The following CCDC90B variants were observed in gnomAD, a reference collection of about 807,000 sequenced individuals.
The protein encoded by CCDC90B is coiled-coil domain-containing protein 90B, mitochondrial.
CCDC90B carries 24 observed loss-of-function variants against 37.0 expected under a neutral mutation model. The ratio of observed to expected loss-of-function variants is 0.65; its 90% confidence interval spans 0.47 to 0.91. CCDC90B has a LOEUF of 0.91. CCDC90B is among the 40% of genes least tolerant of loss of function. CCDC90B has a pLI of 0.00. For synonymous variants in CCDC90B, 113 were observed against 101.1 expected, an observed-to-expected ratio of 1.12 and a Z score of -0.71; for missense variants, 319 against 299.0, an observed-to-expected ratio of 1.07 and a Z score of -0.49.
At chr11:83,281,331 G>A (rs1333808561) in intron 1 of CCDC90B, among the ~76,000 whole-genome samples, 1 of 152,190 alleles carries the variant, frequency 6.6e-6, no homozygotes, top group Non-Finnish European at 1.5e-5. Flanking sequence ...TAGAACTTGT[G>A]CCAGGCATAG....
intron 8 of CCDC90B, among the ~76,000 whole-genome samples, chr11:83,263,377 G>T (rs908675429): frequency 6.6e-6 from 1 of 152,178 alleles, no homozygotes; most frequent in Admixed American, 6.5e-5. Flanking sequence ...CATGGCTGTT[G>T]TTGCAGTAAC....
Position 83,263,516 on chromosome 11 carries a change from CTG to C in CCDC90B, c.710-1552_710-1551del, listed in dbSNP as rs1436625106. Among the ~76,000 whole-genome samples, 4 of 152,228 alleles carry C rather than the reference CTG, an allele frequency of 2.6e-5. No homozygotes were observed. The East Asian group carries it at 7.7e-4, about 29-fold the overall frequency. ...ATATGCCTGGTACATTTTAAGCACT[CTG>C]TAAACATTAGCTTTCATTATTTATC... On this transcript the variant is annotated intron_variant, in intron 8 of 8. Transcript: ENST00000529689.
At chr11:83,272,264 T>TA (rs1864726716) in intron 7 of CCDC90B, among the ~76,000 whole-genome samples, 1 of 152,058 alleles carries the variant, frequency 6.6e-6, no homozygotes, top group Admixed American at 6.6e-5. Flanking sequence ...AATTTTTTTT[T>TA]AAAAACACTA....
At chr11:83,267,429 A>G (rs1319725401) in intron 7 of CCDC90B, 2 of 152,222 alleles carry the variant, frequency 1.3e-5, no homozygotes, top group African/African-American at 4.8e-5. Flanking sequence ...AAATGACCTG[A>G]TGGAGCTGAA....
intron 6 of CCDC90B, 36 bp from the exon 7 acceptor site, chr11:83,273,736 A>G: frequency 1.2e-6 from 2 of 1,600,148 alleles, no homozygotes; most frequent in Non-Finnish European, 1.7e-6. Flanking sequence ...TTAAAAAAAA[A>G]GTCTAAAAAT....
chr11:83,269,839 G>A (rs918672818), intron 7 of CCDC90B, among the ~76,000 whole-genome samples: 1 of 152,100 alleles, frequency 6.6e-6, no homozygotes, highest in Non-Finnish European at 1.5e-5. Flanking sequence ...CCAAAGCCTG[G>A]CAGAGACACA....
In CCDC90B at chr11:83,261,485, A is replaced by C. The variant is rs1863922802; in HGVS notation, c.*426T>G. ...TTGTAATAATCTTTCATTTTATAGA[A>C]AAATGTAATTATGCAATGGTTATCA... is the stretch of plus-strand genomic sequence containing the variant. On this transcript the variant is annotated 3_prime_UTR_variant, in exon 9 of 9. Coordinates refer to ENST00000529689, the MANE Select transcript of CCDC90B (RefSeq NM_021825.5). 6.5e-6 allele frequency: 1 copy of C among 152,922 alleles called. No individual in the cohort carries two copies. Among genetic ancestry groups the C allele is most frequent in the Non-Finnish European group, 1.5e-5 (1 of 68,510 alleles). 9.5% of individuals were successfully genotyped at this position (152,922 alleles called of 1,614,324 possible).
chr11:83,271,305 A>G (rs1488530786), intron 7 of CCDC90B, among the ~76,000 whole-genome samples: 5 of 152,254 alleles, frequency 3.3e-5, no homozygotes, highest in Non-Finnish European at 5.9e-5. Flanking sequence ...GCTTCTGTAC[A>G]GCAAAGAAAC....
chr11:83,273,712 G>A lies in CCDC90B; in HGVS notation c.541-12C>T. On this transcript the variant is annotated splice_polypyrimidine_tract_variant and intron_variant, in intron 6 of 8. Transcript: ENST00000529689. Reference sequence around the variant, plus strand: ...TCTTGATCTGTAAACTATAGGATATGAAGCAGCAGGAAGTTAAAAAAAAAG... The same window carrying A: ...TCTTGATCTGTAAACTATAGGATATAAAGCAGCAGGAAGTTAAAAAAAAAG... The A allele has an allele frequency of 6.2e-7, 1 of 1,603,666 alleles. No individual in the cohort carries two copies. Among genetic ancestry groups the A allele is most frequent in the Non-Finnish European group, 8.5e-7 (1 of 1,176,844 alleles).
At chr11:83,264,721 A>G (rs971865654) in intron 8 of CCDC90B, among the ~76,000 whole-genome samples, 2 of 152,098 alleles carry the variant, frequency 1.3e-5, no homozygotes, top group Non-Finnish European at 2.9e-5. Context: ...ATGGCCAACA[A>G]TGATAGACTG....
chr11:83,267,575 A>C (rs962620413), intron 7 of CCDC90B: 2 of 152,246 alleles, frequency 1.3e-5, no homozygotes, highest in Admixed American at 6.5e-5. Context: ...AAAAAGAGTA[A>C]AAAGAAACGA....
rs1398895033 is a variant in CCDC90B, at chr11:83,260,731, C to A, written c.*1180G>T. ...TCTTGTCTTCTTGATCTGGGTAAGA[C>A]TGAAGAACTAAGATGAAAAGGATAT... On this transcript the variant is annotated 3_prime_UTR_variant, in exon 9 of 9. Transcript: ENST00000529689. 6.6e-6 allele frequency: 1 copy of A among 151,990 alleles called. No homozygotes were observed. The highest frequency in any genetic ancestry group is 1.9e-4 in the East Asian group (1 of 5,190). The allele number at this position is 151,990 out of a possible 1,614,324, so 9.4% of individuals were successfully genotyped here. A position where few individuals can be genotyped will look rare whatever the true frequency, so the allele number is the denominator to read the frequency against.
intron 1 of CCDC90B, among the ~76,000 whole-genome samples, chr11:83,281,810 T>C (rs976334736): frequency 1.3e-5 from 2 of 152,114 alleles, no homozygotes; most frequent in African/African-American, 4.8e-5. Context: ...ATTTAAATAA[T>C]ATTTTACTGT....
intron 7 of CCDC90B, 181 bp downstream of exon 7, chr11:83,273,466 G>A: frequency 2.3e-6 from 1 of 435,594 alleles, no homozygotes; most frequent in Non-Finnish European, 4.1e-6. Context: ...TGGCTCATGG[G>A]CGACCATCTA....
chr11:83,269,507 C>T (rs999737869), intron 7 of CCDC90B, among the ~76,000 whole-genome samples: 5 of 152,086 alleles, frequency 3.3e-5, no homozygotes, highest in Non-Finnish European at 5.9e-5. Context: ...TATAGACTAC[C>T]ATCAGAGAAT....
At chr11:83,274,481 TTAGG>T in intron 4 of CCDC90B, 154 bp downstream of exon 4, 1 of 474,724 alleles carries the variant, frequency 2.1e-6, no homozygotes, top group South Asian at 3.5e-5. Flanking sequence ...TAGAAAAAGA[TTAGG>T]TATGGTTAAA....
In CCDC90B at chr11:83,286,098, A is replaced by C. The variant is rs868434041; in HGVS notation, c.-126T>G. On this transcript the variant is annotated 5_prime_UTR_variant, in exon 1 of 9. Coordinates refer to ENST00000529689, the MANE Select transcript of CCDC90B (RefSeq NM_021825.5). ...GTAGTTTTCGCTCTGTCACAAGCTC[A>C]CCTCCCAGCGCAGGCGCCACCGTGG... 6.5e-7 allele frequency: 1 copy of C among 1,536,544 alleles called. No homozygotes were observed. Among genetic ancestry groups the C allele is most frequent in the Non-Finnish European group, 8.7e-7 (1 of 1,146,850 alleles).
intron 2 of CCDC90B, among the ~76,000 whole-genome samples, chr11:83,279,693 G>C (rs1048698976): frequency 6.6e-6 from 1 of 151,848 alleles, no homozygotes; most frequent in Non-Finnish European, 1.5e-5. Flanking sequence ...TCCCTAATTT[G>C]TAATGCCTTC....
chr11:83,274,253 T>C, intron 4 of CCDC90B: 2 of 336,478 alleles, frequency 5.9e-6, no homozygotes, highest in Non-Finnish European at 1.1e-5. Context: ...GTGGATAACA[T>C]AACTTAAAAT....
Sources: allele counts gnomAD v4.1 joint callset (sites outside exome capture counted in the v4.1 genomes callset), GRCh38; gene constraint gnomAD v4.1.1; transcripts MANE v1.5; gene names NCBI Gene and HGNC (gene_info 2026-07-23, HGNC 2026-07-21).